ZNF708: variants seen among roughly 807,000 people sequenced by gnomAD.
ZNF708 encodes the protein zinc finger protein 708, also known as ZNF15, ZNF15L1.
ZNF708 carries 44 observed loss-of-function variants against 47.0 expected under a neutral mutation model. That is an observed-to-expected ratio of 0.94 (90% CI 0.74 to 1.20). The LOEUF (loss-of-function observed/expected upper bound fraction) is 1.20. ZNF708 is among the 50% of genes most tolerant of loss of function. The probability of loss-of-function intolerance (pLI) is 0.00; values close to 1 mark genes in which losing one functional copy is unlikely to be tolerated. For synonymous variants in ZNF708, 184 were observed against 218.5 expected, an observed-to-expected ratio of 0.84 and a Z score of 1.39; for missense variants, 557 against 656.0, an observed-to-expected ratio of 0.85 and a Z score of 1.65.
At position 21,293,856 on chromosome 19, in the gene ZNF708, G is replaced by C; in HGVS notation, c.1110C>G (p.Gly370=). 6.2e-7 allele frequency: 1 copy of C among 1,612,796 alleles called. No homozygotes were observed. The highest frequency in any genetic ancestry group is 8.5e-7 in the Non-Finnish European group (1 of 1,179,710). ...EEKPYKCEEC[G]KAFNRSSHLT... is the part of the protein sequence containing the mutation. ...GGTGTGAGGACCGGTTAAAAGCTTTGCCACATTCTTCACATTTGTAGGGTT... is the reference window on the plus strand; with the variant it reads ...GGTGTGAGGACCGGTTAAAAGCTTTCCCACATTCTTCACATTTGTAGGGTT... Residue 370 remains glycine, a synonymous_variant, in exon 4 of 4, where the codon GGC becomes GGG. Coordinates refer to ENST00000356929, the MANE Select transcript of ZNF708 (RefSeq NM_021269.3).
rs769330978 is a variant in ZNF708 at position 21,293,560 on chromosome 19, AT to A, written c.1405del (p.Ile469PhefsTer28). 1 of 1,613,064 alleles carries A rather than the reference AT, an allele frequency of 6.2e-7. No homozygotes were observed. On this transcript the variant is annotated frameshift_variant, in exon 4 of 4. Coordinates refer to ENST00000356929, the MANE Select transcript of ZNF708 (RefSeq NM_021269.3). LOFTEE classifies it high-confidence loss of function. ...YSSNFTNHKK[I>X]HTGEKPYKCE... ...CTTATAGGGTTTCTCTCCAGTATGA[AT>A]TTTTTTATGATTAGTAAAATTTGAG... is the stretch of plus-strand genomic sequence containing the variant.
At chr19:21,325,487 T>C (rs1358715792) in intron 1 of ZNF708, among the ~76,000 whole-genome samples, 1 of 152,188 alleles carries the variant, frequency 6.6e-6, no homozygotes, top group Non-Finnish European at 1.5e-5. Flanking sequence ...TTTCTACAAA[T>C]GGTACTGGGA....
rs556601027 is a variant in ZNF708, at chr19:21,327,536, A to T, written c.3+1674T>A. 7.4e-4 allele frequency among the ~76,000 whole-genome samples: 112 copies of T among 150,878 alleles called. 1 individual carries two copies. The highest frequency in any genetic ancestry group is 1.4e-3 in the Non-Finnish European group (95 of 67,636). On this transcript the variant is annotated intron_variant, in intron 1 of 3. Transcript: ENST00000356929. ...AACAAGAGTGAAACTCCACCTCAAA[A>T]AAAAAAAAAAAGAAAAGAAAGAAAA...
rs868730378 is a variant in ZNF708, at chr19:21,305,750, C to G, written c.226+3496G>C. Reference sequence around the variant, plus strand: ...TGCTGGGATTACAAGCGTGAGCCACCGGGCCTGGCCTAAAATTTTTAAATT... The same window carrying G: ...TGCTGGGATTACAAGCGTGAGCCACGGGGCCTGGCCTAAAATTTTTAAATT... On this transcript the variant is annotated intron_variant, in intron 3 of 3. Transcript: ENST00000356929. Among the ~76,000 whole-genome samples, 6 of 152,064 alleles carry G rather than the reference C, an allele frequency of 3.9e-5. No homozygotes were observed. The East Asian group carries it at 1.2e-3, about 29-fold the overall frequency.
At chr19:21,300,959 C>T (rs1388672609) in intron 3 of ZNF708, among the ~76,000 whole-genome samples, 1 of 151,940 alleles carries the variant, frequency 6.6e-6, no homozygotes, top group Non-Finnish European at 1.5e-5. Flanking sequence ...CATGCCCGGC[C>T]TGTCATACAC....
Position 21,309,280 on chromosome 19 carries a change from A to T in ZNF708, c.192T>A (p.Asn64Lys), listed in dbSNP as rs1487092311. The part of the protein sequence containing the change: ...TCLEQGKEPW[N>K]MKRHEMAAKP... The stretch of plus-strand genomic sequence containing the variant: ...TGGCTGCCATCTCGTGTCTCTTCAT[A>T]TTCCAGGGCTCTTTTCCTTGCTCCA... The change falls in exon 3 of 4, where the codon AAT (asparagine) becomes AAA (lysine). Residue 64 changes from asparagine (N) to lysine (K), a missense_variant. Asn to Lys is a moderately conservative substitution (Grantham distance 94). Transcript: ENST00000356929. 4 of 1,604,802 alleles carry T rather than the reference A, an allele frequency of 2.5e-6. No individual in the cohort carries two copies. The African/African-American group carries it at 5.4e-5, about 22-fold the overall frequency.
intron 1 of ZNF708, 87 bp from the exon 2 acceptor site, chr19:21,310,714 G>C: frequency 7.7e-6 from 9 of 1,170,318 alleles, no homozygotes; most frequent in Non-Finnish European, 1.0e-5. Flanking sequence ...AGAGAGTAAA[G>C]AGAACTGGTT....
chr19:21,308,353 C>A lies in ZNF708; in HGVS notation c.226+893G>T, dbSNP rs549165247. ...GGAGTGCAGTGGCACAATCGCAGCT[C>A]ACAGCAACCTCTGCCTCCCGGGTTC... is the stretch of plus-strand genomic sequence containing the variant. On this transcript the variant is annotated intron_variant, in intron 3 of 3. Coordinates refer to ENST00000356929, the MANE Select transcript of ZNF708 (RefSeq NM_021269.3). Among the ~76,000 whole-genome samples, 5 of 151,238 alleles carry A rather than the reference C, an allele frequency of 3.3e-5. No homozygotes were observed. In the South Asian group the frequency reaches 1.0e-3, roughly 32 times the overall value.
At chr19:21,307,607 G>A (rs932329217) in intron 3 of ZNF708, among the ~76,000 whole-genome samples, 1 of 151,776 alleles carries the variant, frequency 6.6e-6, no homozygotes, top group African/African-American at 2.4e-5. Flanking sequence ...GGGTGACAGA[G>A]TGAGACTCAG....
intron 3 of ZNF708, among the ~76,000 whole-genome samples, chr19:21,299,080 T>C (rs1972601629): frequency 6.6e-6 from 1 of 152,140 alleles, no homozygotes; most frequent in Non-Finnish European, 1.5e-5. Flanking sequence ...AGATTTAGCT[T>C]TACGGCCAGG....
chr19:21,306,512 G>GAAAA (rs1017525893), intron 3 of ZNF708, among the ~76,000 whole-genome samples: 12 of 152,064 alleles, frequency 7.9e-5, no homozygotes, highest in African/African-American at 2.7e-4. Context: ...ACATAAAAAA[G>GAAAA]AAAAATGAAA....
chr19:21,304,658 T>C (rs1406857829), intron 3 of ZNF708, among the ~76,000 whole-genome samples: 5 of 152,130 alleles, frequency 3.3e-5, no homozygotes, highest in Non-Finnish European at 7.4e-5. Flanking sequence ...GAAAATCACA[T>C]GGGGCAAAAA....
At chr19:21,312,293 C>CA (rs11330288) in intron 1 of ZNF708, among the ~76,000 whole-genome samples, 10 of 147,752 alleles carry the variant, frequency 6.8e-5, no homozygotes, top group South Asian at 4.3e-4. Flanking sequence ...CACTCCATCT[C>CA]AAAAAAAAAA....
At chr19:21,316,903 C>T (rs1407167499) in intron 1 of ZNF708, among the ~76,000 whole-genome samples, 1 of 151,936 alleles carries the variant, frequency 6.6e-6, no homozygotes, top group Non-Finnish European at 1.5e-5. Context: ...TCTCCTGCCT[C>T]AGCCTCCCCA....
chr19:21,326,352 G>GTA (rs780803786), intron 1 of ZNF708, among the ~76,000 whole-genome samples: 9 of 152,060 alleles, frequency 5.9e-5, no homozygotes, highest in Non-Finnish European at 1.0e-4. Flanking sequence ...AGAAACTGTG[G>GTA]TATATATATA....
intron 1 of ZNF708, among the ~76,000 whole-genome samples, chr19:21,323,904 G>A (rs1335414119): frequency 1.3e-5 from 2 of 152,190 alleles, no homozygotes; most frequent in African/African-American, 2.4e-5. Flanking sequence ...GTGGGCTAAA[G>A]CTTTAATTTC....
intron 1 of ZNF708, chr19:21,327,924 C>A: frequency 1.1e-6 from 1 of 895,080 alleles, no homozygotes; most frequent in Non-Finnish European, 1.4e-6. Context: ...AGCCCCAGGG[C>A]ATCCACCTGC....
At chr19:21,294,796 C>T (rs1025949802) in intron 3 of ZNF708, 57 bp from the exon 4 acceptor site, 2 of 1,466,886 alleles carry the variant, frequency 1.4e-6, no homozygotes, top group African/African-American at 2.9e-5. Flanking sequence ...TTAATATTTA[C>T]AAATCTAACT....
chr19:21,307,225 A>G (rs1972802049), intron 3 of ZNF708, among the ~76,000 whole-genome samples: 1 of 151,956 alleles, frequency 6.6e-6, no homozygotes, highest in South Asian at 2.1e-4. Flanking sequence ...GCCCCTTGTA[A>G]CCAGCCAACT....
Sources: gnomAD v4.1 joint callset for allele counts (sites outside exome capture counted in the v4.1 genomes callset) on GRCh38, gnomAD v4.1.1 for gene constraint, MANE v1.5 for transcripts, NCBI Gene and HGNC (gene_info 2026-07-23, HGNC 2026-07-21) for gene names.